Variants in TSPEAR observed in about 807,000 individuals in gnomAD.
TSPEAR encodes the protein thrombospondin type laminin G domain and EAR repeats, also known as thrombospondin-type laminin G domain and EAR repeat-containing protein.
Under a neutral mutation model 71.6 loss-of-function variants are expected in TSPEAR, and 69 were observed. The observed-to-expected ratio is 0.96, with a 90% CI of 0.79 to 1.18. TSPEAR has a LOEUF of 1.18. Among genes scored for constraint, TSPEAR ranks in the 50% most tolerant of loss-of-function variants. The pLI, the probability that TSPEAR is intolerant of heterozygous loss-of-function variation, is 0.00. For synonymous variants in TSPEAR, 402 were observed against 387.2 expected (o/e 1.04, Z -0.45); for missense variants, 971 against 894.9 (o/e 1.09, Z -1.09).
chr21:44,535,552 C>T (rs949138425), intron 2 of TSPEAR, among the ~76,000 whole-genome samples: 3 of 152,308 alleles, frequency 2.0e-5, no homozygotes, highest in Admixed American at 2.0e-4. Context: ...TTTACTGTAT[C>T]GTGTCTGTGT....
intron 11 of TSPEAR, among the ~76,000 whole-genome samples, chr21:44,502,865 G>T (rs1253703405): frequency 4.0e-5 from 6 of 148,392 alleles, no homozygotes; most frequent in South Asian, 4.4e-4. Context: ...GGGAAGCAAG[G>T]CTCTGGGAGG....
intron 1 of TSPEAR, among the ~76,000 whole-genome samples, chr21:44,568,681 T>C (rs1398230166): frequency 6.6e-6 from 1 of 152,104 alleles, no homozygotes; most frequent in East Asian, 1.9e-4. Context: ...GCAGATCAGA[T>C]CCCTGGCCCA....
At chr21:44,538,274 G>C (rs1349819795) in intron 2 of TSPEAR, among the ~76,000 whole-genome samples, 30 of 152,138 alleles carry the variant, frequency 2.0e-4, no homozygotes, top group Admixed American at 2.0e-3. Flanking sequence ...CCCCGCTGAC[G>C]GCCTTTCCCA....
chr21:44,691,995 A>C lies in TSPEAR; in HGVS notation c.82+19438T>G, dbSNP rs187437945. Among the ~76,000 whole-genome samples the C allele has an allele frequency of 2.2e-4, 33 of 152,346 alleles. No individual in the cohort carries two copies. The East Asian group carries it at 6.4e-3, about 29-fold the overall frequency. On this transcript the variant is annotated intron_variant, in intron 1 of 11. Transcript: ENST00000323084. ...GCAAAGTGATTCCAACAGCATATTA[A>C]AAGGATTATATACCATGACCAAGTT...
intron 1 of TSPEAR, among the ~76,000 whole-genome samples, chr21:44,678,861 G>A (rs1273269359): frequency 6.6e-6 from 1 of 152,096 alleles, no homozygotes; most frequent in Non-Finnish European, 1.5e-5. Flanking sequence ...AAGCAAAAAG[G>A]CAATCCATGA....
intron 1 of TSPEAR, chr21:44,573,587 T>A (rs1418202541): frequency 8.8e-7 from 1 of 1,138,494 alleles, no homozygotes; most frequent in Non-Finnish European, 1.2e-6. Flanking sequence ...TTTATTCTCC[T>A]GGAGCTGGCT....
At chr21:44,517,629 C>T (rs921436098) in intron 9 of TSPEAR, 18 of 391,614 alleles carry the variant, frequency 4.6e-5, no homozygotes, top group African/African-American at 2.9e-4. Flanking sequence ...CGTGTGTGCT[C>T]CTTGTCTGAC....
At chr21:44,590,349 A>G (rs233294) in intron 1 of TSPEAR, among the ~76,000 whole-genome samples, 20,147 of 151,744 alleles carry the variant, frequency 0.13, 2,348 homozygotes, top group African/African-American at 0.3. Context: ...GGAGAGACCT[A>G]GGAGGCTGGG....
At chr21:44,627,864 G>C in intron 1 of TSPEAR, 1 of 1,613,302 alleles carries the variant, frequency 6.2e-7, no homozygotes, top group East Asian at 2.2e-5. Flanking sequence ...CCTCCTCTGT[G>C]TCCCTCCTCT....
rs2053301876 is a variant in TSPEAR, at chr21:44,546,268, C to A, written c.304-12345G>T. On this transcript the variant is annotated intron_variant, in intron 2 of 11. Coordinates refer to ENST00000323084, the MANE Select transcript of TSPEAR (RefSeq NM_144991.3). The surrounding 1 kb of genome is among the most constrained non-coding windows in gnomAD (Gnocchi z 4.4). Reference sequence around the variant, plus strand: ...GTTACTGTCTAGTGCCCTTTTATTTCAGCCTGAATTAGCATTTCTTGTAAG... The same window carrying A: ...GTTACTGTCTAGTGCCCTTTTATTTAAGCCTGAATTAGCATTTCTTGTAAG... 6.6e-6 allele frequency among the ~76,000 whole-genome samples: 1 copy of A among 152,222 alleles called. No homozygotes were observed. The highest frequency in any genetic ancestry group is 2.1e-4 in the South Asian group (1 of 4,830).
intron 1 of TSPEAR, chr21:44,654,579 C>A (rs1555942193): frequency 1.3e-6 from 2 of 1,599,408 alleles, no homozygotes; most frequent in Non-Finnish European, 8.5e-7. Context: ...CAGGGCAGGC[C>A]ATTGGGCAGC....
At chr21:44,671,483 G>A (rs1280684351) in intron 1 of TSPEAR, among the ~76,000 whole-genome samples, 7 of 152,224 alleles carry the variant, frequency 4.6e-5, no homozygotes, top group African/African-American at 1.7e-4. Context: ...GCCACCACTG[G>A]GGCCTGAGAT....
intron 2 of TSPEAR, among the ~76,000 whole-genome samples, chr21:44,538,261 T>C (rs1482364286): frequency 6.6e-6 from 1 of 152,128 alleles, no homozygotes; most frequent in Non-Finnish European, 1.5e-5. Flanking sequence ...ATCTTACCAT[T>C]GTCCCCGCTG....
rs1988194136 is a variant in TSPEAR, at chr21:44,711,060, A to C, written c.82+373T>G. On this transcript the variant is annotated intron_variant, in intron 1 of 11. Coordinates refer to ENST00000323084, the MANE Select transcript of TSPEAR (RefSeq NM_144991.3). The surrounding 1 kb of genome is among the most constrained non-coding windows in gnomAD (Gnocchi z 4.5). ...CCAGCTAAGGAAATGGCTCGTGCAC[A>C]GTAGCCTCCCGGGCTGCTGCGACTT... Among the ~76,000 whole-genome samples the C allele has an allele frequency of 6.6e-6, 1 of 152,228 alleles. No homozygotes were observed. Among genetic ancestry groups the C allele is most frequent in the Non-Finnish European group, 1.5e-5 (1 of 68,036 alleles).
At chr21:44,644,308 G>C (rs1186823352) in intron 1 of TSPEAR, among the ~76,000 whole-genome samples, 4 of 152,152 alleles carry the variant, frequency 2.6e-5, no homozygotes, top group Admixed American at 6.6e-5. Flanking sequence ...TGTGTCTGTA[G>C]TACATCCACT....
chr21:44,510,713 G>T (rs1308884746), intron 9 of TSPEAR: 1 of 152,330 alleles, frequency 6.6e-6, no homozygotes, highest in Non-Finnish European at 1.5e-5. Flanking sequence ...GGCTGCAGGG[G>T]AGGGCGCCAC....
At chr21:44,530,295 A>T (rs1177775575) in intron 4 of TSPEAR, among the ~76,000 whole-genome samples, 1 of 151,448 alleles carries the variant, frequency 6.6e-6, no homozygotes, top group African/African-American at 2.4e-5. Flanking sequence ...AGTCCAATCC[A>T]TTCATCCATC....
intron 1 of TSPEAR, chr21:44,697,924 C>T: frequency 1.2e-6 from 2 of 1,612,062 alleles, no homozygotes; most frequent in African/African-American, 1.3e-5. Flanking sequence ...CCACATGTTC[C>T]CGCCTGGCCT....
chr21:44,612,977 TG>T lies in TSPEAR; in HGVS notation c.83-44973del. ...CCTGGGTTAAGTGGCTGCCCCTACC[TG>T]GGATGGGGTCTCCATGTCTCCCCTG... On this transcript the variant is annotated intron_variant, in intron 1 of 11. Coordinates refer to ENST00000323084, the MANE Select transcript of TSPEAR (RefSeq NM_144991.3). This position sits in a 1 kb window ranked among gnomAD's most constrained non-coding sequence, Gnocchi z 4.1. 1 of 1,522,894 alleles carries T rather than the reference TG, an allele frequency of 6.6e-7. No homozygotes were observed. The highest frequency in any genetic ancestry group is 1.2e-5 in the South Asian group (1 of 82,142). 94.3% of individuals were successfully genotyped at this position (1,522,894 alleles called of 1,614,324 possible). A position where few individuals can be genotyped will look rare whatever the true frequency, so the allele number is the denominator to read the frequency against.
Sources: gnomAD v4.1 joint callset for allele counts (sites outside exome capture counted in the v4.1 genomes callset) on GRCh38, gnomAD v4.1.1 for gene constraint, Gnocchi (gnomAD v3.1) non-coding constraint, MANE v1.5 for transcripts, NCBI Gene and HGNC (gene_info 2026-07-23, HGNC 2026-07-21) for gene names.